PCDH7: variants seen among roughly 807,000 people sequenced by gnomAD.
PCDH7 encodes the protein protocadherin 7.
PCDH7 carries 17 observed loss-of-function variants against 58.9 expected under a neutral mutation model. The observed-to-expected ratio is 0.29, with a 90% CI of 0.20 to 0.43. The LOEUF is 0.43. PCDH7 is among the 20% of genes least tolerant of loss of function. The pLI is 1.00. For missense variants in PCDH7, 1,274 were observed against 1,441.0 expected (o/e 0.88, Z 1.88); for synonymous variants, 664 against 616.4 (o/e 1.08, Z -1.14).
chr4:31,097,638 A>ATATTC lies in PCDH7; in HGVS notation c.*8-44835_*8-44834insTATTC, dbSNP rs370034723. ...TATATATATATATATATATATATAT[A>ATATTC]AATCTTTTTTCTGTAATTTCTGTAA... is the stretch of plus-strand genomic sequence containing the variant. On this transcript the variant is annotated intron_variant, in intron 3 of 3. Coordinates refer to the PCDH7 transcript ENST00000509759. Among the ~76,000 whole-genome samples, 2 of 79,210 alleles carry ATATTC rather than the reference A, an allele frequency of 2.5e-5. 1 individual carries two copies. The highest frequency in any genetic ancestry group is 4.9e-5 in the Non-Finnish European group (2 of 41,218). The allele number at this position is 79,210 out of a possible 152,430, so 52.0% of individuals were successfully genotyped here.
intron 2 of PCDH7, among the ~76,000 whole-genome samples, chr4:30,946,803 G>A (rs550276146): frequency 1.6e-4 from 25 of 151,680 alleles, no homozygotes; most frequent in African/African-American, 6.0e-4. Context: ...CACCTCCTGT[G>A]TTCAAGCATT....
Position 30,891,943 on chromosome 4 carries a change from G to A in PCDH7, c.71-28210G>A, listed in dbSNP as rs892382848. On this transcript the variant is annotated intron_variant, in intron 1 of 3. Coordinates refer to the PCDH7 transcript ENST00000509759. Reference sequence around the variant, plus strand: ...TGCAAGAATTTTTGTGAACGGACATGGATTTTACATAGTATAGATAGGAAA... The same window carrying A: ...TGCAAGAATTTTTGTGAACGGACATAGATTTTACATAGTATAGATAGGAAA... Among the ~76,000 whole-genome samples, 10 of 151,714 alleles carry A rather than the reference G, an allele frequency of 6.6e-5. No homozygotes were observed. In the South Asian group the frequency reaches 1.5e-3, roughly 22 times the overall value.
intron 1 of PCDH7, chr4:30,885,243 A>G (rs1352589756): frequency 6.6e-6 from 1 of 152,210 alleles, no homozygotes; most frequent in Non-Finnish European, 1.5e-5. Flanking sequence ...GAGACAGGGT[A>G]CCATAGTGAT....
intron 1 of PCDH7, among the ~76,000 whole-genome samples, chr4:30,790,355 T>C (rs759473499): frequency 2.0e-5 from 3 of 152,204 alleles, no homozygotes; most frequent in Non-Finnish European, 2.9e-5. Context: ...CAGTAACTAG[T>C]AAAGCTACAG....
In PCDH7 at chr4:30,723,222, G is replaced by A. The variant is rs199822308; in HGVS notation, c.1800G>A (p.Glu600=). Residue 600 remains glutamate (E), a synonymous_variant, in exon 1 of 2, where the codon GAG becomes GAA. Coordinates refer to ENST00000361762, the Ensembl canonical transcript of PCDH7. This position sits in a 1 kb window ranked among gnomAD's most constrained non-coding sequence, Gnocchi z 4.6. ...TGGTCAATACCGTGCTGGACCGCGA[G>A]CAGACTGACAGGTATGAGTTTAAAG... 2 of 1,614,256 alleles carry A rather than the reference G, an allele frequency of 1.2e-6. No homozygotes were observed. Among genetic ancestry groups the A allele is most frequent in the Admixed American group, 1.7e-5 (1 of 60,036 alleles).
chr4:30,987,870 A>C (rs1751112556), intron 3 of PCDH7: 1 of 152,152 alleles, frequency 6.6e-6, no homozygotes, highest in African/African-American at 2.4e-5. Flanking sequence ...TTATTAGGGC[A>C]ATTTAGGAGT....
At chr4:30,805,068 C>T (rs1726009114) in intron 1 of PCDH7, among the ~76,000 whole-genome samples, 1 of 152,186 alleles carries the variant, frequency 6.6e-6, no homozygotes, top group Non-Finnish European at 1.5e-5. Context: ...TGTTCACTCC[C>T]TTCCCTGGAG....
intron 3 of PCDH7, among the ~76,000 whole-genome samples, chr4:30,982,902 A>G (rs1472010245): frequency 2.6e-5 from 4 of 152,198 alleles, no homozygotes; most frequent in African/African-American, 7.2e-5. Context: ...TTGATTTTAG[A>G]GAGAATTAAA....
rs372496193 is a variant in PCDH7 at position 30,767,159 on chromosome 4, T to C, written c.70+42563T>C. On this transcript the variant is annotated intron_variant, in intron 1 of 3. Transcript: ENST00000509759. ...CACTGAAGTCTTAGTATCTTTTCTC[T>C]GAATAGCTAAACTCAGCGTGGTTGC... Among the ~76,000 whole-genome samples the C allele has an allele frequency of 8.5e-5, 13 of 152,346 alleles. No homozygotes were observed. In the East Asian group the frequency reaches 2.3e-3, roughly 27 times the overall value.
chr4:31,008,946 C>T lies in PCDH7; in HGVS notation c.*7+58731C>T, dbSNP rs535890676. ...AGATAAGTCCCCTGGCTGTTACCTA[C>T]TACTGCCACACTGTATGTCCCATCA... On this transcript the variant is annotated intron_variant, in intron 3 of 3. Coordinates refer to the PCDH7 transcript ENST00000509759. 1.2e-3 allele frequency among the ~76,000 whole-genome samples: 187 copies of T among 152,172 alleles called. 2 individuals carry two copies. Among genetic ancestry groups the T allele is most frequent in the African/African-American group, 4.4e-3 (182 of 41,544 alleles).
At chr4:30,918,412 A>AT (rs1442469768) in intron 1 of PCDH7, among the ~76,000 whole-genome samples, 2 of 152,022 alleles carry the variant, frequency 1.3e-5, no homozygotes, top group African/African-American at 4.8e-5. Flanking sequence ...TGATTTCTTT[A>AT]TTTTTTTAAA....
At chr4:30,884,570 G>A (rs2109374705) in intron 1 of PCDH7, 1 of 152,272 alleles carries the variant, frequency 6.6e-6, no homozygotes, top group East Asian at 1.9e-4. Flanking sequence ...TCTGATTTAT[G>A]TGAATGTAAA....
intron 1 of PCDH7, among the ~76,000 whole-genome samples, chr4:30,885,558 AG>A (rs1737607985): frequency 6.6e-6 from 1 of 152,056 alleles, no homozygotes; most frequent in Non-Finnish European, 1.5e-5. Context: ...GCAGTTTAAA[AG>A]CTCTGCAATG....
chr4:30,854,257 G>C (rs1733152588), intron 1 of PCDH7, among the ~76,000 whole-genome samples: 1 of 149,212 alleles, frequency 6.7e-6, no homozygotes, highest in Non-Finnish European at 1.5e-5. Context: ...GGGCTTTCTT[G>C]TGCATTGTGG....
rs201585982 is a variant in PCDH7 at position 30,843,946 on chromosome 4, GAA to G, written c.71-76200_71-76199del. Among the ~76,000 whole-genome samples the G allele has an allele frequency of 9.9e-3, 1,496 of 151,764 alleles. 20 individuals are homozygous for G. The highest frequency in any genetic ancestry group is 0.033 in the African/African-American group (1,386 of 41,438). On this transcript the variant is annotated intron_variant, in intron 1 of 3. Coordinates refer to the PCDH7 transcript ENST00000509759. Reference sequence around the variant, plus strand: ...AATAAAATAAAAATAAAAAATAAAAGAAAAAAAAGTCATAGTAACAAGGAGCA... The same window carrying G: ...AATAAAATAAAAATAAAAAATAAAAGAAAAAAGTCATAGTAACAAGGAGCA...
At chr4:30,976,840 A>G (rs946285315) in intron 3 of PCDH7, among the ~76,000 whole-genome samples, 6 of 152,190 alleles carry the variant, frequency 3.9e-5, no homozygotes, top group African/African-American at 1.4e-4. Context: ...AGAGTAAACA[A>G]TTATGCCACC....
At chr4:30,956,175 C>A (rs1040891764) in intron 3 of PCDH7, among the ~76,000 whole-genome samples, 5 of 151,634 alleles carry the variant, frequency 3.3e-5, no homozygotes, top group Non-Finnish European at 7.4e-5. Flanking sequence ...GATCATGCCA[C>A]TGCACTCCAG....
intron 1 of PCDH7, among the ~76,000 whole-genome samples, chr4:30,747,900 CT>C (rs1393261510): frequency 6.6e-6 from 1 of 152,092 alleles, no homozygotes; most frequent in Admixed American, 6.6e-5. Flanking sequence ...GTCAGGCTTT[CT>C]TTTTTTCTGT....
intron 2 of PCDH7, among the ~76,000 whole-genome samples, chr4:30,933,152 A>T (rs1419416649): frequency 6.6e-6 from 1 of 151,730 alleles, no homozygotes; most frequent in Non-Finnish European, 1.5e-5. Flanking sequence ...TCAGGCTCCC[A>T]AGTAGCTGGG....
Sources: gnomAD v4.1 joint callset for allele counts (sites outside exome capture counted in the v4.1 genomes callset) on GRCh38, gnomAD v4.1.1 for gene constraint, Gnocchi (gnomAD v3.1) non-coding constraint, MANE v1.5 for transcripts, NCBI Gene and HGNC (gene_info 2026-07-23, HGNC 2026-07-21) for gene names.